PACS2: variants seen among roughly 807,000 people sequenced by gnomAD.
The protein encoded by PACS2 is PACS1-like protein.
A neutral mutation model predicts 113.0 loss-of-function variants in PACS2; 36 were observed. That is an observed-to-expected ratio of 0.32 (90% CI 0.24 to 0.42). The LOEUF (loss-of-function observed/expected upper bound fraction) is 0.42. Among genes scored for constraint, PACS2 ranks in the 10% least tolerant of loss-of-function variants. The pLI is 1.00. For missense variants in PACS2, 1,015 were observed against 1,239.5 expected, an observed-to-expected ratio of 0.82 and a Z score of 2.72; for synonymous variants, 589 against 536.1, an observed-to-expected ratio of 1.10 and a Z score of -1.36.
At chr14:105,381,247 A>G (rs2080984061) in intron 12 of PACS2, 148 bp downstream of exon 12, 2 of 639,248 alleles carry the variant, frequency 3.1e-6, no homozygotes, top group Non-Finnish European at 5.2e-6. Flanking sequence ...CGTCCTTCTT[A>G]AAAAGGAGAA....
upstream of PACS2, among the ~76,000 whole-genome samples, chr14:105,312,773 C>G (rs149314032): frequency 3.3e-5 from 5 of 152,346 alleles, no homozygotes; most frequent in Non-Finnish European, 7.3e-5. Flanking sequence ...AGACCACAGT[C>G]CCATCACCAC....
intron 15 of PACS2, 143 bp from the exon 16 acceptor site, chr14:105,383,216 T>C: frequency 1.1e-6 from 1 of 949,308 alleles, no homozygotes; most frequent in Non-Finnish European, 1.7e-6. Context: ...GTGGGGGTCC[T>C]GGGCTTGGGC....
chr14:105,393,542 C>T, intron 24 of PACS2: 2 of 468,202 alleles, frequency 4.3e-6, no homozygotes, highest in Non-Finnish European at 3.7e-6. Context: ...ACCCTTTTTG[C>T]TTTTTAAAAA....
chr14:105,314,659 CGCGGGTCGGA>C (rs1311186044), upstream of PACS2: 1 of 143,198 alleles, frequency 7.0e-6, no homozygotes, highest in South Asian at 2.1e-4. Context: ...GCGGCGCCGG[CGCGGGTCGGA>C]GGGCGCCGGG....
intron 17 of PACS2, 146 bp downstream of exon 17, chr14:105,384,609 C>T (rs2081110186): frequency 6.4e-6 from 4 of 628,552 alleles, no homozygotes; most frequent in South Asian, 5.8e-5. Flanking sequence ...GGGCCTTGGC[C>T]AGGATGCCTC....
Position 105,392,799 on chromosome 14 carries a change from G to A in PACS2, c.2436G>A (p.Thr812=), listed in dbSNP as rs1295485158. Residue 812 remains threonine, a synonymous_variant, in exon 23 of 25, where the codon ACG becomes ACA. Coordinates refer to ENST00000447393, the MANE Select transcript of PACS2 (RefSeq NM_001100913.3). ...CCAGCAGCGGCGAGGCTGCAGCCAC[G>A]CCCACCATGTCCATGACCGTGGTCA... ...RLPSSGEAAA[T]PTMSMTVVTK... is the part of the protein sequence containing the mutation. 5 of 1,609,088 alleles carry A rather than the reference G, an allele frequency of 3.1e-6. No homozygotes were observed. The highest frequency in any genetic ancestry group is 2.2e-5 in the South Asian group (2 of 91,078).
intron 20 of PACS2, 51 bp downstream of exon 20, chr14:105,390,054 G>T (rs2081304996): frequency 5.4e-6 from 8 of 1,479,456 alleles, no homozygotes; most frequent in Non-Finnish European, 7.6e-6. Flanking sequence ...CTGCCAACTT[G>T]TCGTTTACAG....
rs761002697 is a variant in PACS2 at position 105,315,815 on chromosome 14, C to T, written c.119+778C>T. 4.3e-4 allele frequency among the ~76,000 whole-genome samples: 66 copies of T among 152,226 alleles called. No homozygotes were observed. Among genetic ancestry groups the T allele is most frequent in the Non-Finnish European group, 8.4e-4 (57 of 68,038 alleles). ...GACTTGGTAGTTCCTGCTCAGGAAG[C>T]TCCCAGGCTAAGGAGGAGAGAGACA... On this transcript the variant is annotated intron_variant, in intron 1 of 24. Transcript: ENST00000447393. This position sits in a 1 kb window ranked among gnomAD's most constrained non-coding sequence, Gnocchi z 4.4.
intron 4 of PACS2, among the ~76,000 whole-genome samples, chr14:105,362,423 AAAAAAAAG>A (rs1219954256): frequency 6.6e-6 from 1 of 151,030 alleles, no homozygotes; most frequent in African/African-American, 2.5e-5. Flanking sequence ...TCTCAAAAAA[AAAAAAAAG>A]AAAAGAAAAA....
chr14:105,337,134 A>G (rs890294146), intron 1 of PACS2, among the ~76,000 whole-genome samples: 3 of 152,244 alleles, frequency 2.0e-5, no homozygotes, highest in African/African-American at 7.2e-5. Flanking sequence ...TGCAACGTGG[A>G]TGGAACTTGA....
chr14:105,313,344 C>T (rs2140721750), upstream of PACS2, among the ~76,000 whole-genome samples: 1 of 152,334 alleles, frequency 6.6e-6, no homozygotes, highest in South Asian at 2.1e-4. Flanking sequence ...TCACTTCTCC[C>T]CCTACCCTGT....
Position 105,367,198 on chromosome 14 carries a change from GC to G in PACS2, c.424-11del. Reference sequence around the variant, plus strand: ...CCGTCGTGCTGCTTTCTAGAACCGTGCCCCTGGCCTGCAGGTGATGCAACAC... The same window carrying G: ...CCGTCGTGCTGCTTTCTAGAACCGTGCCCTGGCCTGCAGGTGATGCAACAC... On this transcript the variant is annotated splice_polypyrimidine_tract_variant and intron_variant, in intron 4 of 24. Transcript: ENST00000447393. 6.2e-7 allele frequency: 1 copy of G among 1,611,312 alleles called. No homozygotes were observed. The highest frequency in any genetic ancestry group is 8.5e-7 in the Non-Finnish European group (1 of 1,178,736).
At chr14:105,375,285 C>G (rs1411725254) in intron 8 of PACS2, among the ~76,000 whole-genome samples, 1 of 152,104 alleles carries the variant, frequency 6.6e-6, no homozygotes, top group Non-Finnish European at 1.5e-5. Context: ...CAAGACCATC[C>G]TGGCTAACAC....
upstream of PACS2, among the ~76,000 whole-genome samples, chr14:105,311,007 C>CA (rs2058337989): frequency 6.6e-6 from 1 of 152,194 alleles, no homozygotes; most frequent in South Asian, 2.1e-4. Flanking sequence ...GGCTGGAGTG[C>CA]AGTGGCACAA....
At position 105,366,081 on chromosome 14, in the gene PACS2, G is replaced by A. The variant is rs1014362569; in HGVS notation, c.424-1132G>A. On this transcript the variant is annotated intron_variant, in intron 4 of 24. Coordinates refer to ENST00000447393, the MANE Select transcript of PACS2 (RefSeq NM_001100913.3). The surrounding 1 kb of genome is among the most constrained non-coding windows in gnomAD (Gnocchi z 4.3). ...ATAAATCTGGTCGGCTGGGCGTGGT[G>A]GCTCACGCCTGTAATCCCAGCACTT... is the stretch of plus-strand genomic sequence containing the variant. Among the ~76,000 whole-genome samples the A allele has an allele frequency of 5.3e-5, 8 of 152,044 alleles. No homozygotes were observed. The highest frequency in any genetic ancestry group is 1.3e-4 in the Admixed American group (2 of 15,280).
intron 16 of PACS2, 66 bp from the exon 17 acceptor site, chr14:105,384,287 G>T: frequency 2.1e-6 from 2 of 947,394 alleles, no homozygotes; most frequent in Non-Finnish European, 3.3e-6. Flanking sequence ...CAGCTTTTGT[G>T]CCGCGGTGGG....
chr14:105,348,277 C>T lies in PACS2; in HGVS notation c.120-216C>T, dbSNP rs1027188732. 1.8e-4 allele frequency among the ~76,000 whole-genome samples: 27 copies of T among 152,166 alleles called. No individual in the cohort carries two copies. The highest frequency in any genetic ancestry group is 6.5e-4 in the Admixed American group (10 of 15,286). On this transcript the variant is annotated intron_variant, in intron 1 of 24. Transcript: ENST00000447393. The surrounding 1 kb of genome is among the most constrained non-coding windows in gnomAD (Gnocchi z 6.4). ...CCTTCAGGAGATGGGACCTCTGGCC[C>T]GGCAGCCAACGGATGCTGAGGGGTG...
intron 12 of PACS2, 57 bp downstream of exon 12, chr14:105,381,156 G>A (rs996374289): frequency 6.7e-5 from 101 of 1,512,008 alleles, no homozygotes; most frequent in Middle Eastern, 1.9e-4. Context: ...GGGAGGGGCC[G>A]TCACGGGCAT....
At chr14:105,359,928 CCTA>C (rs1269945320) in intron 4 of PACS2, among the ~76,000 whole-genome samples, 3 of 152,140 alleles carry the variant, frequency 2.0e-5, no homozygotes, top group Non-Finnish European at 4.4e-5. Flanking sequence ...CCGTGCCCAG[CCTA>C]CTTTTTCTGT....
Sources: gnomAD v4.1 joint callset for allele counts (sites outside exome capture counted in the v4.1 genomes callset) on GRCh38, gnomAD v4.1.1 for gene constraint, Gnocchi (gnomAD v3.1) non-coding constraint, MANE v1.5 for transcripts, NCBI Gene and HGNC (gene_info 2026-07-23, HGNC 2026-07-21) for gene names.